The following MACROD2 variants were observed in gnomAD, a reference collection of about 807,000 sequenced individuals.
MACROD2 encodes mono-ADP ribosylhydrolase 2.
In MACROD2, 36 loss-of-function variants were observed where a neutral mutation model predicts 70.4. That is an observed-to-expected ratio of 0.51 (90% CI 0.39 to 0.68). MACROD2 has a LOEUF of 0.68. Among genes scored for constraint, MACROD2 ranks in the 30% least tolerant of loss-of-function variants. MACROD2 has a pLI of 0.00. For missense variants in MACROD2, 496 were observed against 538.4 expected, an observed-to-expected ratio of 0.92 and a Z score of 0.78; for synonymous variants, 172 against 178.8, an observed-to-expected ratio of 0.96 and a Z score of 0.30.
chr20:15,497,228 C>T (rs2047309339), intron 7 of MACROD2, among the ~76,000 whole-genome samples: 1 of 152,108 alleles, frequency 6.6e-6, no homozygotes, highest in Admixed American at 6.5e-5. Context: ...AAATTCAGGG[C>T]AGAGATGGAC....
chr20:14,282,257 T>C (rs1270404649), intron 3 of MACROD2, among the ~76,000 whole-genome samples: 1 of 152,186 alleles, frequency 6.6e-6, no homozygotes, highest in African/African-American at 2.4e-5. Context: ...TTCTTTGATA[T>C]TGTGACAAAA....
At chr20:14,226,263 AT>A (rs1469977382) in intron 3 of MACROD2, among the ~76,000 whole-genome samples, 1 of 152,122 alleles carries the variant, frequency 6.6e-6, no homozygotes, top group African/African-American at 2.4e-5. Context: ...TAGCAGAGGT[AT>A]TGGCACTGGT....
intron 5 of MACROD2, among the ~76,000 whole-genome samples, chr20:14,715,719 T>C (rs1425436464): frequency 6.6e-6 from 1 of 152,182 alleles, no homozygotes; most frequent in Non-Finnish European, 1.5e-5. Context: ...TACCAGTTTT[T>C]ACAGATTTTA....
Position 15,962,684 on chromosome 20 carries a change from A to G in MACROD2, c.908-4869A>G, listed in dbSNP as rs145169824. 3.7e-3 allele frequency among the ~76,000 whole-genome samples: 561 copies of G among 152,336 alleles called. 4 individuals carry two copies. Among genetic ancestry groups the G allele is most frequent in the African/African-American group, 0.013 (538 of 41,586 alleles). On this transcript the variant is annotated intron_variant, in intron 12 of 17. Coordinates refer to ENST00000684519, the MANE Select transcript of MACROD2 (RefSeq NM_001351661.2). The stretch of plus-strand genomic sequence containing the variant: ...GCCCTTCTGGGCCCAAGCATTTCAG[A>G]TAAGGAACATCAACCTGTCCCTGAA...
At chr20:14,729,076 T>C (rs2071562950) in intron 5 of MACROD2, among the ~76,000 whole-genome samples, 1 of 152,142 alleles carries the variant, frequency 6.6e-6, no homozygotes, top group Non-Finnish European at 1.5e-5. Flanking sequence ...GTATTTTAAT[T>C]GTTTAGTATC....
intron 6 of MACROD2, among the ~76,000 whole-genome samples, chr20:15,317,752 G>C (rs771742162): frequency 2.7e-5 from 4 of 150,408 alleles, no homozygotes; most frequent in African/African-American, 5.0e-5. Flanking sequence ...CAAGCAGAAG[G>C]GTTTCTTTTT....
At chr20:15,581,058 G>A (rs1050034671) in intron 8 of MACROD2, among the ~76,000 whole-genome samples, 2 of 152,120 alleles carry the variant, frequency 1.3e-5, no homozygotes, top group Admixed American at 6.5e-5. Context: ...TTCTTCTTTG[G>A]CAGGTCTGGA....
At chr20:14,123,612 A>C (rs928143388) in intron 3 of MACROD2, among the ~76,000 whole-genome samples, 1 of 152,210 alleles carries the variant, frequency 6.6e-6, no homozygotes. Context: ...GCCTTCTAAA[A>C]TAGTGGGCTT....
rs369871942 is a variant in MACROD2 at position 14,456,877 on chromosome 20, C to T, written c.272-36602C>T. 3.2e-3 allele frequency among the ~76,000 whole-genome samples: 475 copies of T among 150,746 alleles called. 5 individuals carry two copies. The highest frequency in any genetic ancestry group is 0.011 in the African/African-American group (447 of 40,202). ...GACTACAGGTGCCCACCACCACGCCCGGCCAACTTTTTTGTATTTTTAGTA... is the reference window on the plus strand; with the variant it reads ...GACTACAGGTGCCCACCACCACGCCTGGCCAACTTTTTTGTATTTTTAGTA... On this transcript the variant is annotated intron_variant, in intron 3 of 17. Coordinates refer to ENST00000684519, the MANE Select transcript of MACROD2 (RefSeq NM_001351661.2).
At chr20:15,213,115 A>G (rs2076778390) in intron 5 of MACROD2, among the ~76,000 whole-genome samples, 1 of 152,230 alleles carries the variant, frequency 6.6e-6, no homozygotes. Flanking sequence ...AAGCAAGTTA[A>G]GCATAGCCCA....
At chr20:14,653,932 C>A (rs1286073710) in intron 4 of MACROD2, among the ~76,000 whole-genome samples, 2 of 152,138 alleles carry the variant, frequency 1.3e-5, no homozygotes, top group Admixed American at 1.3e-4. Flanking sequence ...AAGTTGCTTG[C>A]TTGACAGTAC....
chr20:14,176,786 C>T (rs1297892616), intron 3 of MACROD2, among the ~76,000 whole-genome samples: 4 of 152,170 alleles, frequency 2.6e-5, no homozygotes, highest in Non-Finnish European at 5.9e-5. Flanking sequence ...CAACTATCCC[C>T]TTTACCTCAA....
chr20:14,432,472 G>A (rs1218056235), intron 3 of MACROD2, among the ~76,000 whole-genome samples: 2 of 151,620 alleles, frequency 1.3e-5, no homozygotes, highest in Non-Finnish European at 2.9e-5. Flanking sequence ...CTAACATGTG[G>A]TATGTATTCA....
At chr20:15,853,563 G>A (rs565502351) in intron 8 of MACROD2, among the ~76,000 whole-genome samples, 1 of 152,290 alleles carries the variant, frequency 6.6e-6, no homozygotes, top group African/African-American at 2.4e-5. Context: ...GCTGGCTTGA[G>A]GATGGAGGCA....
intron 2 of MACROD2, among the ~76,000 whole-genome samples, chr20:14,002,913 T>C (rs953206561): frequency 1.4e-4 from 22 of 152,336 alleles, no homozygotes; most frequent in African/African-American, 5.3e-4. Flanking sequence ...CAGAATTTAC[T>C]CTCAAAGTCT....
chr20:15,302,597 A>G (rs1163775007), intron 6 of MACROD2, among the ~76,000 whole-genome samples: 7 of 152,256 alleles, frequency 4.6e-5, no homozygotes, highest in African/African-American at 1.7e-4. Context: ...TGCTTCAGAC[A>G]TTTTCTACTC....
intron 3 of MACROD2, among the ~76,000 whole-genome samples, chr20:14,389,190 T>G (rs1271682668): frequency 1.3e-5 from 2 of 151,604 alleles, no homozygotes; most frequent in Non-Finnish European, 2.9e-5. Context: ...ATCGGCCAAT[T>G]ATTATTATTA....
chr20:14,123,436 A>AG (rs1601249342), intron 3 of MACROD2, among the ~76,000 whole-genome samples: 1 of 152,170 alleles, frequency 6.6e-6, no homozygotes, highest in African/African-American at 2.4e-5. Context: ...TCAGCACTGC[A>AG]GCATCCATGG....
At chr20:14,379,892 G>T (rs1253466810) in intron 3 of MACROD2, among the ~76,000 whole-genome samples, 5 of 151,768 alleles carry the variant, frequency 3.3e-5, no homozygotes, top group African/African-American at 4.8e-5. Context: ...CTACCTTTTG[G>T]CTATGATGAA....
Sources: gnomAD v4.1 joint callset for allele counts (sites outside exome capture counted in the v4.1 genomes callset) on GRCh38, gnomAD v4.1.1 for gene constraint, MANE v1.5 for transcripts, NCBI Gene and HGNC (gene_info 2026-07-23, HGNC 2026-07-21) for gene names.